The following ELK3 variants were observed in gnomAD, a reference collection of about 807,000 sequenced individuals.
The protein encoded by ELK3 is ETS transcription factor ELK3, also known as ETS domain-containing protein Elk-3.
Under a neutral mutation model 28.9 loss-of-function variants are expected in ELK3, and 10 were observed. That is an observed-to-expected ratio of 0.35 (90% CI 0.21 to 0.59). ELK3 has a LOEUF of 0.59. Among genes scored for constraint, ELK3 ranks in the 20% least tolerant of loss-of-function variants. The pLI is 0.82. For synonymous variants in ELK3, 272 were observed against 243.5 expected, an observed-to-expected ratio of 1.12 and a Z score of -1.09; for missense variants, 463 against 517.3, an observed-to-expected ratio of 0.90 and a Z score of 1.02.
At chr12:96,220,326 C>G (rs1216575179) in intron 1 of ELK3, among the ~76,000 whole-genome samples, 1 of 150,888 alleles carries the variant, frequency 6.6e-6, no homozygotes, top group African/African-American at 2.4e-5. Context: ...TGTGTGGCCT[C>G]TGAGTAAAAA....
In ELK3 at chr12:96,247,518, G is replaced by A. The variant is rs1256496014; in HGVS notation, c.786G>A (p.Glu262=). Reference sequence around the variant, plus strand: ...CTGAACACAGAAGCCTCTTCCTGGAGGCCGCCTGCCATGACTCCGATTCCC... The same window carrying A: ...CTGAACACAGAAGCCTCTTCCTGGAAGCCGCCTGCCATGACTCCGATTCCC... The part of the protein sequence containing the change: ...LPSEHRSLFL[E]AACHDSDSLE... The change falls in exon 3 of 5, where the codon GAG becomes GAA. Residue 262 remains glutamate, a synonymous_variant. Transcript: ENST00000228741. This position sits in a 1 kb window ranked among gnomAD's most constrained non-coding sequence, Gnocchi z 5.5. 2 of 1,613,922 alleles carry A rather than the reference G, an allele frequency of 1.2e-6. No homozygotes were observed. Among genetic ancestry groups the A allele is most frequent in the Non-Finnish European group, 1.7e-6 (2 of 1,180,002 alleles).
At chr12:96,221,886 T>C (rs924284406) in intron 1 of ELK3, among the ~76,000 whole-genome samples, 2 of 152,178 alleles carry the variant, frequency 1.3e-5, no homozygotes, top group Non-Finnish European at 2.9e-5. Context: ...TTTCCTTTAA[T>C]TGAGAGGAGT....
intron 2 of ELK3, among the ~76,000 whole-genome samples, chr12:96,231,006 T>G (rs1951737743): frequency 1.3e-5 from 2 of 152,186 alleles, no homozygotes; most frequent in South Asian, 2.1e-4. Context: ...CCTGTTGATT[T>G]GAGAAACACA....
intron 1 of ELK3, among the ~76,000 whole-genome samples, chr12:96,219,810 G>A (rs1951649560): frequency 6.6e-6 from 1 of 152,172 alleles, no homozygotes; most frequent in African/African-American, 2.4e-5. Flanking sequence ...TCTGAGTAAT[G>A]TCTGGCTGCG....
In ELK3 at chr12:96,247,440, C is replaced by T. The variant is rs147826368; in HGVS notation, c.708C>T (p.Ala236=). 103 of 1,614,158 alleles carry T rather than the reference C, an allele frequency of 6.4e-5. No individual in the cohort carries two copies. In the African/African-American group the frequency reaches 1.2e-3, roughly 19 times the overall value. ...MLPNAASISS[A]SPFSSRSPSL... ...CAAACGCTGCCAGTATTTCATCCGC[C>T]TCACCCTTCTCATCTCGGTCCCCGT... The change falls in exon 3 of 5, where the codon GCC becomes GCT. Residue 236 remains alanine (A), a synonymous_variant. Transcript: ENST00000228741. This position sits in a 1 kb window ranked among gnomAD's most constrained non-coding sequence, Gnocchi z 5.5.
chr12:96,247,326 G>C lies in ELK3; in HGVS notation c.594G>C (p.Val198=). The stretch of plus-strand genomic sequence containing the variant: ...CCGACAAGCACGTCACCAGGCCGGT[G>C]GTGTCCCTGCCTTCCACGTCAGAGG... ...NKTDKHVTRP[V]VSLPSTSEAA... Residue 198 remains valine (V), a synonymous_variant, in exon 3 of 5, where the codon GTG becomes GTC. Transcript: ENST00000228741. This position sits in a 1 kb window ranked among gnomAD's most constrained non-coding sequence, Gnocchi z 5.5. 6.2e-7 allele frequency: 1 copy of C among 1,614,222 alleles called. No homozygotes were observed.
At position 96,223,597 on chromosome 12, in the gene ELK3, C is replaced by G; in HGVS notation, c.31C>G (p.Leu11Val). The G allele has an allele frequency of 6.2e-7, 1 of 1,614,174 alleles. No individual in the cohort carries two copies. The highest frequency in any genetic ancestry group is 8.5e-7 in the Non-Finnish European group (1 of 1,180,040). Residue 11 changes from leucine to valine, a missense_variant, in exon 2 of 5, where the codon CTG becomes GTG. Leu to Val is a conservative substitution (Grantham distance 32). This residue lies in a region of ELK3 where 55 missense variants were observed against 102.5 expected (regional missense o/e 0.54). Coordinates refer to ENST00000228741, the MANE Select transcript of ELK3 (RefSeq NM_005230.4). MESAITLWQF[L>V]LQLLLDQKHE... ...GAGTGCAATCACGCTGTGGCAGTTC[C>G]TGTTGCAGTTGCTGCTGGATCAGAA...
At position 96,210,567 on chromosome 12, in the gene ELK3, A is replaced by G. The variant is rs1161408529; in HGVS notation, c.-2-12998A>G. ...CACCGCCCTGCGCGCGGGCGCACGC[A>G]CACACACACACACACACACACACAC... is the stretch of plus-strand genomic sequence containing the variant. On this transcript the variant is annotated intron_variant, in intron 1 of 4. Coordinates refer to ENST00000228741, the MANE Select transcript of ELK3 (RefSeq NM_005230.4). 1.4e-4 allele frequency among the ~76,000 whole-genome samples: 21 copies of G among 148,966 alleles called. No homozygotes were observed. In the South Asian group the frequency reaches 2.6e-3, roughly 18 times the overall value.
chr12:96,226,260 T>A (rs534789849), intron 2 of ELK3, among the ~76,000 whole-genome samples: 9 of 152,316 alleles, frequency 5.9e-5, no homozygotes, highest in African/African-American at 2.2e-4. Context: ...GCACTGCCCC[T>A]TTCTCTCTTG....
At chr12:96,215,237 C>G (rs1014634359) in intron 1 of ELK3, among the ~76,000 whole-genome samples, 2 of 152,068 alleles carry the variant, frequency 1.3e-5, no homozygotes, top group Non-Finnish European at 2.9e-5. Flanking sequence ...AAGGGAAGTG[C>G]TAGGTTGCCA....
chr12:96,211,489 GT>G lies in ELK3; in HGVS notation c.-2-12075del, dbSNP rs1406971517. Among the ~76,000 whole-genome samples the G allele has an allele frequency of 8.7e-3, 151 of 17,360 alleles. 1 individual carries two copies. In the South Asian group the frequency reaches 0.27, roughly 31 times the overall value. 11.4% of individuals were successfully genotyped at this position (17,360 alleles called of 152,430 possible). A position where few individuals can be genotyped will look rare whatever the true frequency, so the allele number is the denominator to read the frequency against. On this transcript the variant is annotated intron_variant, in intron 1 of 4. Transcript: ENST00000228741. ...GCCCTGGGGATGTCATTGTGTGTTT[GT>G]GTGTGTGTGTGTGTGTGTGTGTGTG...
chr12:96,202,938 A>C (rs1040912843), intron 1 of ELK3, among the ~76,000 whole-genome samples: 1 of 152,016 alleles, frequency 6.6e-6, no homozygotes, highest in African/African-American at 2.4e-5. Flanking sequence ...CCCAGTCTGG[A>C]GTGCAGTGAT....
chr12:96,195,795 CTG>C lies in ELK3; in HGVS notation c.-3+1093_-3+1094del, dbSNP rs372874079. Among the ~76,000 whole-genome samples, 88 of 152,274 alleles carry C rather than the reference CTG, an allele frequency of 5.8e-4. 1 individual carries two copies. The East Asian group carries it at 0.014, about 23-fold the overall frequency. ...CTCACTAGAGGAGCTCACAAAGAAACTGTGGTTTGCTCCTTCTTAGGTTTATG... is the reference window on the plus strand; with the variant it reads ...CTCACTAGAGGAGCTCACAAAGAAACTGGTTTGCTCCTTCTTAGGTTTATG... On this transcript the variant is annotated intron_variant, in intron 1 of 4. Transcript: ENST00000228741.
intron 4 of ELK3, 111 bp from the exon 5 acceptor site, chr12:96,266,971 C>A: frequency 1.3e-6 from 1 of 741,382 alleles, no homozygotes; most frequent in Non-Finnish European, 2.0e-6. Context: ...ATCTCTATCA[C>A]AGGGGTGATG....
intron 2 of ELK3, among the ~76,000 whole-genome samples, chr12:96,237,471 C>T (rs1292881543): frequency 6.6e-6 from 1 of 152,214 alleles, no homozygotes; most frequent in African/African-American, 2.4e-5. Context: ...TCACTGTCCC[C>T]TCTGCTTCAA....
chr12:96,245,806 C>T (rs764707449), intron 2 of ELK3, among the ~76,000 whole-genome samples: 3 of 152,150 alleles, frequency 2.0e-5, no homozygotes, highest in Non-Finnish European at 4.4e-5. Flanking sequence ...ACCTCAAGAA[C>T]AGCATAGCCT....
At position 96,267,829 on chromosome 12, in the gene ELK3, T is replaced by C. The variant is rs984422384; in HGVS notation, c.*649T>C. 1 of 85,490 alleles carries C rather than the reference T, an allele frequency of 1.2e-5. No homozygotes were observed. Among genetic ancestry groups the C allele is most frequent in the African/African-American group, 5.1e-5 (1 of 19,714 alleles). The allele number at this position is 85,490 out of a possible 1,614,324, so 5.3% of individuals were successfully genotyped here. ...TAAGCCATATTTAGACAATAAACAT[T>C]GATAAAAGAAAATGTTCTAAAGTAC... On this transcript the variant is annotated 3_prime_UTR_variant, in exon 5 of 5. Coordinates refer to ENST00000228741, the MANE Select transcript of ELK3 (RefSeq NM_005230.4).
chr12:96,229,708 T>A (rs1951727956), intron 2 of ELK3, among the ~76,000 whole-genome samples: 1 of 151,854 alleles, frequency 6.6e-6, no homozygotes, highest in Non-Finnish European at 1.5e-5. Flanking sequence ...ATTTTTGTGT[T>A]TTTAGTAGAG....
At chr12:96,228,808 T>C (rs979993323) in intron 2 of ELK3, among the ~76,000 whole-genome samples, 7 of 152,208 alleles carry the variant, frequency 4.6e-5, no homozygotes, top group Non-Finnish European at 1.0e-4. Context: ...AGAGTCCAGC[T>C]GTCCCTCAAC....
Sources: gnomAD v4.1 joint callset for allele counts (sites outside exome capture counted in the v4.1 genomes callset) on GRCh38, gnomAD v4.1.1 for gene constraint, gnomAD v4.1.1 regional missense constraint, Gnocchi (gnomAD v3.1) non-coding constraint, MANE v1.5 for transcripts, NCBI Gene and HGNC (gene_info 2026-07-23, HGNC 2026-07-21) for gene names.